The following COL4A5 variants were observed in gnomAD, a reference collection of about 807,000 sequenced individuals.
COL4A5 encodes the protein collagen type IV alpha 5 chain.
COL4A5 carries 26 observed loss-of-function variants against 130.2 expected under a neutral mutation model. The ratio of observed to expected loss-of-function variants is 0.20; its 90% CI spans 0.15 to 0.28. The LOEUF (loss-of-function observed/expected upper bound fraction) is 0.28. Among genes scored for constraint, COL4A5 ranks in the 10% least tolerant of loss-of-function variants. The pLI, the probability that COL4A5 is intolerant of heterozygous loss-of-function variation, is 1.00. For synonymous variants in COL4A5, 496 were observed against 439.6 expected (o/e 1.13, Z -1.60); for missense variants, 1,131 against 1,344.3 (o/e 0.84, Z 2.48).
intron 22 of COL4A5, 152 bp from the exon 23 acceptor site, chrX:108,596,846 A>G: frequency 1.9e-6 from 1 of 534,410 alleles, no homozygotes; most frequent in Non-Finnish European, 3.2e-6. Context: ...AAAGGAAAAT[A>G]CAAATGTGAC....
At chrX:108,566,211 A>C (rs774228479) in intron 4 of COL4A5, among the ~76,000 whole-genome samples, 14 of 110,578 alleles carry the variant, frequency 1.3e-4, no homozygotes, top group Admixed American at 1.2e-3. Context: ...CAGAAACTTC[A>C]AGTGGTCATC....
At chrX:108,553,593 C>A (rs1007783805) in intron 2 of COL4A5, among the ~76,000 whole-genome samples, 2 of 111,399 alleles carry the variant, frequency 1.8e-5, no homozygotes, top group African/African-American at 6.5e-5. Flanking sequence ...TTAGCCAAAG[C>A]AAGTATAGAT....
At chrX:108,487,131 C>A (rs1002069524) in intron 1 of COL4A5, among the ~76,000 whole-genome samples, 1 of 111,230 alleles carries the variant, frequency 9.0e-6, no homozygotes, top group Non-Finnish European at 1.9e-5. Context: ...GTGGCTCACG[C>A]CTGTAATCCC....
chrX:108,622,614 A>G (rs993358813), intron 32 of COL4A5, 62 bp from the exon 33 acceptor site: 13 of 1,124,012 alleles, frequency 1.2e-5, no homozygotes, highest in African/African-American at 9.0e-5. Context: ...AATAATCTTT[A>G]TATGCATTAA....
At chrX:108,524,213 AG>A (rs1352958627) in intron 1 of COL4A5, among the ~76,000 whole-genome samples, 2 of 112,105 alleles carry the variant, frequency 1.8e-5, no homozygotes, top group Admixed American at 9.4e-5. Context: ...TATGTGGAAA[AG>A]AAATGACAGA....
chrX:108,553,762 A>T (rs1421279745), intron 2 of COL4A5, among the ~76,000 whole-genome samples: 1 of 112,029 alleles, frequency 8.9e-6, no homozygotes, highest in Non-Finnish European at 1.9e-5. Context: ...GCCTATAAAA[A>T]CTTGTACTTG....
chrX:108,532,749 A>G (rs894724735), intron 1 of COL4A5, among the ~76,000 whole-genome samples: 4 of 111,725 alleles, frequency 3.6e-5, no homozygotes, highest in African/African-American at 1.3e-4. Flanking sequence ...CACACCGATA[A>G]TGATCTAACC....
chrX:108,524,424 A>T (rs2147616649), intron 1 of COL4A5, among the ~76,000 whole-genome samples: 1 of 109,722 alleles, frequency 9.1e-6, no homozygotes, highest in South Asian at 4.1e-4. Context: ...TGGTTTGACA[A>T]TTTTTTTGAG....
intron 1 of COL4A5, among the ~76,000 whole-genome samples, chrX:108,453,451 G>A (rs1215231518): frequency 9.0e-6 from 1 of 110,604 alleles, no homozygotes; most frequent in African/African-American, 3.3e-5. Context: ...TTTTGTTTTG[G>A]AAAATATAAG....
Position 108,580,545 on chromosome X carries a change from G to T in COL4A5, c.793G>T (p.Asp265Tyr). 8.3e-7 allele frequency: 1 copy of T among 1,208,858 alleles called. No individual in the cohort carries two copies. Among genetic ancestry groups the T allele is most frequent in the South Asian group, 1.8e-5 (1 of 56,876 alleles). ...FQKGDQGLPG[D>Y]RGPPGPPGIR... ...TACTACTGCATAGGGACTTCCTGGT[G>T]ACCGAGGGCCTCCTGGACCTCCAGG... Residue 265 changes from aspartate (D) to tyrosine (Y), a missense_variant, in exon 14 of 53, where the codon GAC (aspartate) becomes TAC (tyrosine). Transcript: ENST00000328300.
chrX:108,575,993 T>C lies in COL4A5; in HGVS notation c.609+21T>C, dbSNP rs6622333. Reference sequence around the variant, plus strand: ...TGATGGTAAGCTCTCTTCTTTAATTTAATTTCCCCCCCTTTCCTTTCTGAC... The same window carrying C: ...TGATGGTAAGCTCTCTTCTTTAATTCAATTTCCCCCCCTTTCCTTTCTGAC... On this transcript the variant is annotated intron_variant, in intron 10 of 52. Transcript: ENST00000328300. 0.23 allele frequency: 241,107 copies of C among 1,064,430 alleles called. 24,049 individuals are homozygous for C. The highest frequency in any genetic ancestry group is 0.63 in the East Asian group (20,308 of 32,113). 87.7% of individuals were successfully genotyped at this position (1,064,430 alleles called of 1,213,427 possible).
chrX:108,599,237 C>G (rs1348383786), intron 25 of COL4A5, among the ~76,000 whole-genome samples: 1 of 111,732 alleles, frequency 8.9e-6, no homozygotes, highest in African/African-American at 3.3e-5. Flanking sequence ...TCACAATCCC[C>G]TTCCTCCTGT....
At chrX:108,687,411 G>A (rs933267092) in intron 48 of COL4A5, 71 bp from the exon 49 acceptor site, 12 of 913,504 alleles carry the variant, frequency 1.3e-5, no homozygotes, top group Admixed American at 2.2e-5. Context: ...AGGTCATAAT[G>A]TTTTGTCAAT....
At chrX:108,562,814 A>G (rs971719134) in intron 3 of COL4A5, among the ~76,000 whole-genome samples, 1 of 111,743 alleles carries the variant, frequency 8.9e-6, no homozygotes, top group East Asian at 2.8e-4. Context: ...TTTATTCTAA[A>G]AAATCAAATT....
At chrX:108,583,702 A>G (rs2066286721) in intron 17 of COL4A5, among the ~76,000 whole-genome samples, 1 of 111,513 alleles carries the variant, frequency 9.0e-6, no homozygotes, top group Non-Finnish European at 1.9e-5. Context: ...TGGAGGTAGG[A>G]AATACTCCGA....
At chrX:108,475,927 C>A (rs1476253304) in intron 1 of COL4A5, among the ~76,000 whole-genome samples, 1 of 111,669 alleles carries the variant, frequency 9.0e-6, no homozygotes, top group African/African-American at 3.3e-5. Flanking sequence ...AGTATATAGA[C>A]ATAAGGATTT....
chrX:108,507,891 AAT>A (rs775283557), intron 1 of COL4A5, among the ~76,000 whole-genome samples: 176 of 111,752 alleles, frequency 1.6e-3, no homozygotes, highest in African/African-American at 5.6e-3. Flanking sequence ...CATGCCTCAA[AAT>A]AATAAGAGCT....
intron 2 of COL4A5, among the ~76,000 whole-genome samples, chrX:108,546,988 G>T (rs989205266): frequency 1.8e-5 from 2 of 111,651 alleles, no homozygotes; most frequent in African/African-American, 6.5e-5. Context: ...CTCTGCATTG[G>T]TTATTCTAGT....
At chrX:108,590,371 T>G (rs2066412062) in intron 19 of COL4A5, among the ~76,000 whole-genome samples, 2 of 111,390 alleles carry the variant, frequency 1.8e-5, no homozygotes, top group Admixed American at 1.9e-4. Flanking sequence ...AATACATGTG[T>G]AAGACTTCTT....
Sources: allele counts gnomAD v4.1 joint callset (sites outside exome capture counted in the v4.1 genomes callset), GRCh38; gene constraint gnomAD v4.1.1; transcripts MANE v1.5; gene names NCBI Gene and HGNC (gene_info 2026-07-23, HGNC 2026-07-21).